Variants in TYW1 observed in about 807,000 individuals in gnomAD.
TYW1 encodes the protein tRNA-yW synthesizing protein 1 homolog, also known as S-adenosyl-L-methionine-dependent tRNA 4-demethylwyosine synthase TYW1.
TYW1 carries 46 observed loss-of-function variants against 96.2 expected under a neutral mutation model. The observed-to-expected ratio is 0.48, with a 90% CI of 0.38 to 0.61. The LOEUF is 0.61. Among genes scored for constraint, TYW1 ranks in the 20% least tolerant of loss-of-function variants. TYW1 has a pLI of 0.00. For synonymous variants in TYW1, 274 were observed against 323.0 expected, an observed-to-expected ratio of 0.85 and a Z score of 1.63; for missense variants, 684 against 909.6, an observed-to-expected ratio of 0.75 and a Z score of 3.19.
chr7:67,189,396 T>C (rs547101858), intron 14 of TYW1, among the ~76,000 whole-genome samples: 2 of 135,842 alleles, frequency 1.5e-5, no homozygotes, highest in African/African-American at 6.1e-5. Context: ...ATGTGTGTGT[T>C]GTGTGCGTGT....
At chr7:67,221,317 T>C (rs1801385371) in intron 15 of TYW1, among the ~76,000 whole-genome samples, 1 of 152,234 alleles carries the variant, frequency 6.6e-6, no homozygotes, top group Admixed American at 6.5e-5. Flanking sequence ...TCCTGCTGTC[T>C]TTGGGTTACT....
intron 3 of TYW1, among the ~76,000 whole-genome samples, chr7:67,000,903 A>G (rs1181314180): frequency 2.0e-5 from 3 of 152,240 alleles, no homozygotes; most frequent in East Asian, 3.9e-4. Flanking sequence ...GGTTTTCACT[A>G]CTTGAGTGCA....
intron 14 of TYW1, among the ~76,000 whole-genome samples, chr7:67,191,165 G>A (rs948788142): frequency 2.0e-5 from 3 of 152,176 alleles, no homozygotes; most frequent in African/African-American, 7.2e-5. Context: ...CGGACAGAGA[G>A]ACAGACAGAT....
chr7:67,095,495 CA>C (rs535948335), intron 11 of TYW1, among the ~76,000 whole-genome samples: 51 of 142,482 alleles, frequency 3.6e-4, no homozygotes, highest in Middle Eastern at 3.5e-3. Flanking sequence ...ACTAAAAATA[CA>C]AAAAAAAAAA....
At chr7:67,070,829 T>C (rs1444720742) in intron 10 of TYW1, among the ~76,000 whole-genome samples, 1 of 152,120 alleles carries the variant, frequency 6.6e-6, no homozygotes, top group Non-Finnish European at 1.5e-5. Flanking sequence ...AAGAAATGTT[T>C]TGTTGAAAAC....
Position 67,050,155 on chromosome 7 carries a change from C to T in TYW1, c.1102+89C>T, listed in dbSNP as rs183023796. The T allele has an allele frequency of 2.5e-5, 37 of 1,463,256 alleles. No homozygotes were observed. The African/African-American group carries it at 3.5e-4, about 14-fold the overall frequency. 90.6% of individuals were successfully genotyped at this position (1,463,256 alleles called of 1,614,324 possible). A position where few individuals can be genotyped will look rare whatever the true frequency, so the allele number is the denominator to read the frequency against. Reference sequence around the variant, plus strand: ...GAATGAAGTCTCTCTCTAATTAGCTCAGCAGCTGTTCATAGTGGCAGATAT... The same window carrying T: ...GAATGAAGTCTCTCTCTAATTAGCTTAGCAGCTGTTCATAGTGGCAGATAT... On this transcript the variant is annotated intron_variant, in intron 8 of 15. Coordinates refer to ENST00000359626, the MANE Select transcript of TYW1 (RefSeq NM_018264.4).
rs146689759 is a variant in TYW1, at chr7:67,072,963, T to G, written c.1274+5560T>G. ...TTTTTTTTTTTTTTTTTTTTTTTTTTTATAGAGACAGGGTCTTGCTATGTT... is the reference window on the plus strand; with the variant it reads ...TTTTTTTTTTTTTTTTTTTTTTTTTGTATAGAGACAGGGTCTTGCTATGTT... On this transcript the variant is annotated intron_variant, in intron 10 of 15. Transcript: ENST00000359626. 8.4e-3 allele frequency among the ~76,000 whole-genome samples: 990 copies of G among 118,338 alleles called. 4 individuals carry two copies. The highest frequency in any genetic ancestry group is 0.017 in the African/African-American group (502 of 28,876). 77.6% of individuals were successfully genotyped at this position (118,338 alleles called of 152,430 possible). A position where few individuals can be genotyped will look rare whatever the true frequency, so the allele number is the denominator to read the frequency against.
chr7:67,225,005 A>G (rs1166900013), intron 15 of TYW1, among the ~76,000 whole-genome samples: 1 of 152,142 alleles, frequency 6.6e-6, no homozygotes, highest in Non-Finnish European at 1.5e-5. Flanking sequence ...AGTCTGGCCA[A>G]CATGGCAAAA....
At chr7:67,038,138 T>TA (rs1387305051) in intron 7 of TYW1, among the ~76,000 whole-genome samples, 1 of 151,152 alleles carries the variant, frequency 6.6e-6, no homozygotes, top group Non-Finnish European at 1.5e-5. Flanking sequence ...CTGTCTCTAC[T>TA]AAAAAAATAT....
At position 67,029,415 on chromosome 7, in the gene TYW1, G is replaced by GTGTATATATATATA. The variant is rs1241213574; in HGVS notation, c.984+4394_984+4395insGTATATATATATAT. Among the ~76,000 whole-genome samples, 12 of 94,342 alleles carry GTGTATATATATATA rather than the reference G, an allele frequency of 1.3e-4. No individual in the cohort carries two copies. In the East Asian group the frequency reaches 2.8e-3, roughly 22 times the overall value. 61.9% of individuals were successfully genotyped at this position (94,342 alleles called of 152,430 possible). On this transcript the variant is annotated intron_variant, in intron 7 of 15. Coordinates refer to ENST00000359626, the MANE Select transcript of TYW1 (RefSeq NM_018264.4). Reference sequence around the variant, plus strand: ...TGTGTGTGTGTGTGTGTGTGTGTGTGTATATATATATATATATAAATAGTA... The same window carrying GTGTATATATATATA: ...TGTGTGTGTGTGTGTGTGTGTGTGTGTGTATATATATATATATATATATATATATATAAATAGTA...
At chr7:67,141,862 G>C (rs1798460586) in intron 13 of TYW1, among the ~76,000 whole-genome samples, 1 of 152,038 alleles carries the variant, frequency 6.6e-6, no homozygotes, top group South Asian at 2.1e-4. Flanking sequence ...ATGGGGAGAC[G>C]CCCTCTCTAC....
chr7:67,157,022 C>T (rs116775982), intron 13 of TYW1, among the ~76,000 whole-genome samples: 5,055 of 151,996 alleles, frequency 0.033, 257 homozygotes, highest in African/African-American at 0.11. Flanking sequence ...CTGCCAAAAA[C>T]CCCATATTGT....
At chr7:67,052,666 T>A (rs561777795) in intron 8 of TYW1, among the ~76,000 whole-genome samples, 2 of 152,314 alleles carry the variant, frequency 1.3e-5, no homozygotes, top group East Asian at 1.9e-4. Context: ...TTTGCATACT[T>A]CATATCTTTG....
chr7:67,205,214 T>G (rs568411017), intron 15 of TYW1, among the ~76,000 whole-genome samples: 1,735 of 151,504 alleles, frequency 0.011, 16 homozygotes, highest in African/African-American at 0.035. Context: ...TAAAAGTCCA[T>G]TTCCCCCCTC....
intron 13 of TYW1, among the ~76,000 whole-genome samples, chr7:67,175,595 G>A: frequency 6.6e-6 from 1 of 152,174 alleles, no homozygotes; most frequent in East Asian, 1.9e-4. Context: ...ATAAAACCAT[G>A]AAAAATTGGC....
At chr7:67,110,649 C>CAACCA (rs973678511) in intron 12 of TYW1, among the ~76,000 whole-genome samples, 4 of 152,026 alleles carry the variant, frequency 2.6e-5, no homozygotes, top group African/African-American at 9.7e-5. Context: ...CCAAAGTAAC[C>CAACCA]AACCAAACCA....
chr7:67,044,200 G>A (rs1795115582), intron 7 of TYW1, among the ~76,000 whole-genome samples: 2 of 147,588 alleles, frequency 1.4e-5, no homozygotes, highest in South Asian at 4.4e-4. Flanking sequence ...CTAGGTGCAA[G>A]TGATTCTTCT....
intron 7 of TYW1, among the ~76,000 whole-genome samples, chr7:67,025,244 T>C (rs886511362): frequency 3.9e-5 from 6 of 152,060 alleles, no homozygotes; most frequent in African/African-American, 1.4e-4. Flanking sequence ...GCAGGAGATT[T>C]GAGAACAAGG....
chr7:67,234,384 A>G (rs1261154184), intron 15 of TYW1, among the ~76,000 whole-genome samples: 8 of 150,480 alleles, frequency 5.3e-5, no homozygotes, highest in Non-Finnish European at 1.5e-5. Context: ...GAGACATGAG[A>G]GGGCCCAAGT....
Sources: allele counts gnomAD v4.1 joint callset (sites outside exome capture counted in the v4.1 genomes callset), GRCh38; gene constraint gnomAD v4.1.1; transcripts MANE v1.5; gene names NCBI Gene and HGNC (gene_info 2026-07-23, HGNC 2026-07-21).